Variants in TOP3B observed in about 807,000 individuals in gnomAD.
TOP3B encodes DNA topoisomerase 3-beta-1.
Under a neutral mutation model 93.9 loss-of-function variants are expected in TOP3B, and 45 were observed. The ratio of observed to expected loss-of-function variants is 0.48; its 90% CI spans 0.38 to 0.61. The LOEUF (loss-of-function observed/expected upper bound fraction) is 0.61, where lower values mean the gene tolerates loss of function less well. Among genes scored for constraint, TOP3B ranks in the 20% least tolerant of loss-of-function variants. TOP3B has a pLI of 0.00. For missense variants in TOP3B, 750 were observed against 1,156.1 expected, an observed-to-expected ratio of 0.65 and a Z score of 5.09; for synonymous variants, 357 against 472.6, an observed-to-expected ratio of 0.76 and a Z score of 3.17.
Position 21,972,742 on chromosome 22 carries a change from T to C in TOP3B, c.203-24A>G, listed in dbSNP as rs377106540. On this transcript the variant is annotated intron_variant, in intron 3 of 17. Transcript: ENST00000357179. ...TCCTACAAACCAGTCACAGTGACAT[T>C]GAGTCACAGGAGCTCAGCCTCCGAG... 1.3e-4 allele frequency: 211 copies of C among 1,592,538 alleles called. 2 individuals are homozygous for C. Among genetic ancestry groups the C allele is most frequent in the Non-Finnish European group, 1.8e-4 (206 of 1,161,282 alleles).
chr22:21,970,812 T>G lies in TOP3B; in HGVS notation c.385-406A>C. 2 of 295,150 alleles carry G rather than the reference T, an allele frequency of 6.8e-6. No individual in the cohort carries two copies. Among genetic ancestry groups the G allele is most frequent in the Non-Finnish European group, 6.3e-6 (1 of 157,886 alleles). 18.3% of individuals were successfully genotyped at this position (295,150 alleles called of 1,614,324 possible). ...ATTCCCTGCCTTCTAGGAGGGAGGG[T>G]TTGGAGGGGTGGGTGGAAATTTTAA... On this transcript the variant is annotated intron_variant, in intron 5 of 17. Coordinates refer to ENST00000357179, the MANE Select transcript of TOP3B (RefSeq NM_001282112.2). The surrounding 1 kb of genome is among the most constrained non-coding windows in gnomAD (Gnocchi z 4.4).
chr22:21,959,912 C>T, intron 14 of TOP3B, 176 bp from the exon 15 acceptor site: 1 of 827,952 alleles, frequency 1.2e-6, no homozygotes, highest in South Asian at 1.8e-5. Flanking sequence ...TCTTATGACC[C>T]CAGACCTTTC....
chr22:21,959,754 G>T lies in TOP3B; in HGVS notation c.1655-18C>A. The T allele has an allele frequency of 6.2e-7, 1 of 1,610,088 alleles. No individual in the cohort carries two copies. The highest frequency in any genetic ancestry group is 8.5e-7 in the Non-Finnish European group (1 of 1,178,612). The stretch of plus-strand genomic sequence containing the variant: ...CTCTGCATCTGCAAGTGGGCAGGGG[G>T]CAGATATTGCCCTGAGCACTCGCAC... On this transcript the variant is annotated intron_variant, in intron 14 of 17. Coordinates refer to ENST00000357179, the MANE Select transcript of TOP3B (RefSeq NM_001282112.2).
chr22:21,967,499 A>C, intron 8 of TOP3B, 104 bp downstream of exon 8: 1 of 845,120 alleles, frequency 1.2e-6, no homozygotes, highest in Non-Finnish European at 2.0e-6. Flanking sequence ...AGAAAGGGGG[A>C]GAAAGACGTG....
rs2070942198 is a variant in TOP3B at position 21,957,114 on chromosome 22, TCATA to T, written c.2585_2588del (p.Val862AspfsTer23). The stretch of plus-strand genomic sequence containing the variant: ...GCCTGGGTGAGGGAGGACAGGGTCA[TCATA>T]CAAAGTAGGCGGCCAGGGCTGACAT... On this transcript the variant is annotated frameshift_variant and stop_lost, in exon 18 of 18. Coordinates refer to ENST00000357179, the MANE Select transcript of TOP3B (RefSeq NM_001282112.2). LOFTEE classifies it high-confidence loss of function. 2.8e-6 allele frequency: 3 copies of T among 1,076,462 alleles called. No individual in the cohort carries two copies. The highest frequency in any genetic ancestry group is 2.9e-5 in the Admixed American group (1 of 34,574). The allele number at this position is 1,076,462 out of a possible 1,614,324, so 66.7% of individuals were successfully genotyped here.
chr22:21,974,323 T>G, intron 3 of TOP3B, 34 bp downstream of exon 3: 1 of 1,600,266 alleles, frequency 6.2e-7, no homozygotes, highest in Non-Finnish European at 8.5e-7. Flanking sequence ...CATGCAGAAC[T>G]CCCTTCAGTA....
chr22:21,973,195 G>A (rs1294824783), intron 3 of TOP3B: 2 of 185,572 alleles, frequency 1.1e-5, no homozygotes, highest in African/African-American at 4.8e-5. Flanking sequence ...ATCTTTTTGA[G>A]CCTCATGCCC....
At chr22:21,969,016 C>G (rs1163797270) in intron 6 of TOP3B, 4 of 508,318 alleles carry the variant, frequency 7.9e-6, no homozygotes, top group Middle Eastern at 5.2e-4. Flanking sequence ...GGCCAGGGAG[C>G]CTTCTATTCT....
At chr22:21,967,743 C>T (rs781026228) in intron 7 of TOP3B, 27 bp from the exon 8 acceptor site, 80 of 1,588,326 alleles carry the variant, frequency 5.0e-5, no homozygotes, top group Admixed American at 1.8e-4. Context: ...AAAGGGTGAA[C>T]GCACAAGAAA....
At position 21,959,599 on chromosome 22, in the gene TOP3B, C is replaced by G; in HGVS notation, c.1792G>C (p.Asp598His). The change falls in exon 15 of 18, where the codon GAC (aspartate) becomes CAC (histidine). Residue 598 changes from aspartate to histidine, a missense_variant. Coordinates refer to ENST00000357179, the MANE Select transcript of TOP3B (RefSeq NM_001282112.2). ...AGGCAGACTCTACCAGCAATGGAGT[C>G]GACAAAGTAGTGGAACTTCCTCTTG... ...VFKRKFHYFVDSIAGMDELME... is the reference protein window; with the variant it reads ...VFKRKFHYFVHSIAGMDELME... The G allele has an allele frequency of 6.2e-7, 1 of 1,611,182 alleles. No individual in the cohort carries two copies. The highest frequency in any genetic ancestry group is 1.7e-5 in the Admixed American group (1 of 59,832).
Position 21,961,956 on chromosome 22 carries a change from G to A in TOP3B, c.1525+473C>T, listed in dbSNP as rs1029402103. The A allele has an allele frequency of 2.9e-5, 11 of 383,124 alleles. No homozygotes were observed. In the South Asian group the frequency reaches 2.9e-4, roughly 10 times the overall value. 23.7% of individuals were successfully genotyped at this position (383,124 alleles called of 1,614,324 possible). A position where few individuals can be genotyped will look rare whatever the true frequency, so the allele number is the denominator to read the frequency against. Reference sequence around the variant, plus strand: ...AACTCCCTGGGCTGCCCATTTTTGCGTGGAAACTTCCTGGTCACCCTTTGG... The same window carrying A: ...AACTCCCTGGGCTGCCCATTTTTGCATGGAAACTTCCTGGTCACCCTTTGG... On this transcript the variant is annotated intron_variant, in intron 13 of 17. Coordinates refer to ENST00000357179, the MANE Select transcript of TOP3B (RefSeq NM_001282112.2).
intron 4 of TOP3B, 98 bp from the exon 5 acceptor site, chr22:21,972,049 C>T (rs2071662248): frequency 9.4e-7 from 1 of 1,065,670 alleles, no homozygotes; most frequent in African/African-American, 1.6e-5. Flanking sequence ...GTCCCAGGCC[C>T]TGAACCTCAG....
chr22:21,964,994 TGAG>T (rs1180712737), intron 9 of TOP3B: 25 of 287,596 alleles, frequency 8.7e-5, no homozygotes, highest in Middle Eastern at 9.5e-4. Context: ...GAGAAAAGAC[TGAG>T]GAGATGAGGC....
intron 10 of TOP3B, 29 bp downstream of exon 10, chr22:21,964,132 C>A: frequency 6.2e-7 from 1 of 1,613,552 alleles, no homozygotes; most frequent in Admixed American, 1.7e-5. Context: ...GACACACACA[C>A]ATGCTGAGGC....
intron 14 of TOP3B, 115 bp from the exon 15 acceptor site, chr22:21,959,851 T>C: frequency 2.1e-6 from 3 of 1,418,838 alleles, no homozygotes; most frequent in Non-Finnish European, 2.8e-6. Context: ...CCCGTCCTCC[T>C]GGCCTCTGCC....
Position 21,968,965 on chromosome 22 carries a change from CAG to C in TOP3B, c.582-192_582-191del, listed in dbSNP as rs1299137140. ...AGGATTCATGTGTGTACATGGGTGA[CAG>C]AGCCAGTGAGAGAGGAGACAGAGGT... is the stretch of plus-strand genomic sequence containing the variant. On this transcript the variant is annotated intron_variant, in intron 6 of 17. Transcript: ENST00000357179. 6.7e-6 allele frequency: 4 copies of C among 595,886 alleles called. No homozygotes were observed. The Admixed American group carries it at 8.9e-5, about 13-fold the overall frequency. 36.9% of individuals were successfully genotyped at this position (595,886 alleles called of 1,614,324 possible). A position where few individuals can be genotyped will look rare whatever the true frequency, so the allele number is the denominator to read the frequency against.
At position 21,962,535 on chromosome 22, in the gene TOP3B, A is replaced by T; in HGVS notation, c.1419T>A (p.Gly473=). ...TCACCTCGCCCACAGGGAAGGCATC[A>T]CCCCGCTGGCAAGTGGGCAGGCTCT... ...LEESLPTCQR[G]DAFPVGEVKM... is the part of the protein sequence containing the mutation. Residue 473 remains glycine (G), a synonymous_variant, in exon 13 of 18, where the codon GGT becomes GGA. Transcript: ENST00000357179. 1 of 1,613,456 alleles carries T rather than the reference A, an allele frequency of 6.2e-7. No individual in the cohort carries two copies. Among genetic ancestry groups the T allele is most frequent in the Admixed American group, 1.7e-5 (1 of 60,004 alleles).
chr22:21,967,840 G>A (rs960691323), intron 7 of TOP3B, 124 bp from the exon 8 acceptor site: 1 of 712,840 alleles, frequency 1.4e-6, no homozygotes, highest in South Asian at 1.6e-5. Context: ...TGGCTGTAAT[G>A]GCTCACAGCT....
At position 21,971,629 on chromosome 22, in the gene TOP3B, C is replaced by T; in HGVS notation, c.384+248G>A. ...CCTGCATCCACCCAGACAATTTGGC[C>T]CCTCCTATGTTCACTCATACCGTTG... On this transcript the variant is annotated intron_variant, in intron 5 of 17. Coordinates refer to ENST00000357179, the MANE Select transcript of TOP3B (RefSeq NM_001282112.2). The surrounding 1 kb of genome is among the most constrained non-coding windows in gnomAD (Gnocchi z 4.6). 1 of 533,940 alleles carries T rather than the reference C, an allele frequency of 1.9e-6. No homozygotes were observed. The highest frequency in any genetic ancestry group is 3.4e-6 in the Non-Finnish European group (1 of 292,744). The allele number at this position is 533,940 out of a possible 1,614,324, so 33.1% of individuals were successfully genotyped here.
Sources: allele counts gnomAD v4.1 joint callset, GRCh38; gene constraint gnomAD v4.1.1; non-coding constraint Gnocchi (gnomAD v3.1); transcripts MANE v1.5; gene names NCBI Gene and HGNC (gene_info 2026-07-23, HGNC 2026-07-21).